HELZ: variants seen among roughly 807,000 people sequenced by gnomAD.
HELZ encodes ATP-dependent RNA helicase with zinc finger domain.
A neutral mutation model predicts 218.2 loss-of-function variants in HELZ; 23 were observed. The observed-to-expected ratio is 0.11, with a 90% CI of 0.08 to 0.15. The LOEUF (loss-of-function observed/expected upper bound fraction) is 0.15, where lower values mean the gene tolerates loss of function less well. HELZ is among the 10% of genes least tolerant of loss of function. HELZ has a pLI of 1.00. For missense variants in HELZ, 1,813 were observed against 2,353.7 expected (o/e 0.77, Z 4.75); for synonymous variants, 814 against 829.4 (o/e 0.98, Z 0.32).
In HELZ at chr17:67,107,720, A is replaced by G. The variant is rs2037151721; in HGVS notation, c.4725-35T>C. The G allele has an allele frequency of 1.9e-6, 3 of 1,566,842 alleles. No individual in the cohort carries two copies. The East Asian group carries it at 6.7e-5, about 35-fold the overall frequency. On this transcript the variant is annotated intron_variant, in intron 30 of 32. Coordinates refer to ENST00000358691, the MANE Select transcript of HELZ (RefSeq NM_014877.4). ...AACAATAAAATATGAGGAGAAAACA[A>G]AAGGCTCCATCACATTAAGGAAAGC...
chr17:67,166,971 A>G (rs2039164462), intron 14 of HELZ, among the ~76,000 whole-genome samples: 2 of 152,216 alleles, frequency 1.3e-5, no homozygotes, highest in African/African-American at 2.4e-5. Context: ...AGATCAGAAC[A>G]TGTGAAGTAT....
chr17:67,117,393 G>A (rs1271811999), intron 27 of HELZ, among the ~76,000 whole-genome samples: 1 of 152,000 alleles, frequency 6.6e-6, no homozygotes, highest in African/African-American at 2.4e-5. Context: ...CTAATTTCAA[G>A]AGAAATTAGG....
At chr17:67,100,875 C>T (rs1038171511) in intron 31 of HELZ, among the ~76,000 whole-genome samples, 6 of 151,556 alleles carry the variant, frequency 4.0e-5, no homozygotes, top group East Asian at 3.9e-4. Context: ...CTGAGGCAGG[C>T]GGATCACGAG....
intron 13 of HELZ, chr17:67,176,787 A>G (rs2039470942): frequency 6.6e-6 from 1 of 152,218 alleles, no homozygotes; most frequent in Non-Finnish European, 1.5e-5. Flanking sequence ...GGCTGCAGTG[A>G]GCCAAAACCA....
rs1195593652 is a variant in HELZ at position 67,212,966 on chromosome 17, G to A, written c.247+2933C>T. On this transcript the variant is annotated intron_variant, in intron 5 of 32. Coordinates refer to ENST00000358691, the MANE Select transcript of HELZ (RefSeq NM_014877.4). Reference sequence around the variant, plus strand: ...TCATGACAACTTTATCTTAGGCATCGGTTAAACTTATATTTTAGTGATTCA... The same window carrying A: ...TCATGACAACTTTATCTTAGGCATCAGTTAAACTTATATTTTAGTGATTCA... 3.9e-5 allele frequency among the ~76,000 whole-genome samples: 6 copies of A among 152,088 alleles called. No homozygotes were observed. The East Asian group carries it at 9.6e-4, about 24-fold the overall frequency.
chr17:67,090,147 G>GT (rs1478766728), intron 31 of HELZ, among the ~76,000 whole-genome samples: 1 of 152,024 alleles, frequency 6.6e-6, no homozygotes, highest in African/African-American at 2.4e-5. Context: ...AATGCATGTG[G>GT]TTTCTATGTC....
chr17:67,228,477 C>T (rs1396294548), intron 3 of HELZ, among the ~76,000 whole-genome samples: 1 of 151,900 alleles, frequency 6.6e-6, no homozygotes, highest in East Asian at 1.9e-4. Context: ...GCCAGGGCAA[C>T]ATGGCGAAAC....
rs183168549 is a variant in HELZ, at chr17:67,239,041, A to G, written c.-19+392T>C. Among the ~76,000 whole-genome samples the G allele has an allele frequency of 8.6e-4, 131 of 152,364 alleles. 1 individual carries two copies. Among genetic ancestry groups the G allele is most frequent in the African/African-American group, 3.1e-3 (129 of 41,598 alleles). On this transcript the variant is annotated intron_variant, in intron 3 of 32. Transcript: ENST00000358691. ...ATTCATGACACTATGTAAATAGCAG[A>G]TAACAGGAAAAACAATTCAATACTT...
At chr17:67,096,262 C>T (rs1462153642) in intron 31 of HELZ, among the ~76,000 whole-genome samples, 1 of 151,882 alleles carries the variant, frequency 6.6e-6, no homozygotes, top group Non-Finnish European at 1.5e-5. Flanking sequence ...AGAGCACAGG[C>T]AGCATGGATT....
At chr17:67,103,575 T>C (rs2036993664) in intron 31 of HELZ, among the ~76,000 whole-genome samples, 1 of 152,204 alleles carries the variant, frequency 6.6e-6, no homozygotes, top group Admixed American at 6.5e-5. Context: ...TACAAAATAC[T>C]GTTGAAAGAA....
rs949238584 is a variant in HELZ, at chr17:67,072,978, G to C, written c.*5274C>G. 6.6e-6 allele frequency: 1 copy of C among 152,194 alleles called. No individual in the cohort carries two copies. The highest frequency in any genetic ancestry group is 1.5e-5 in the Non-Finnish European group (1 of 68,042). The allele number at this position is 152,194 out of a possible 1,614,324, so 9.4% of individuals were successfully genotyped here. ...ATCAGAAATGCTGGGGGTGGGTCCA[G>C]CTATCTGAATTTTAACAAGACCTCG... On this transcript the variant is annotated 3_prime_UTR_variant, in exon 33 of 33. Coordinates refer to ENST00000358691, the MANE Select transcript of HELZ (RefSeq NM_014877.4).
intron 15 of HELZ, 85 bp downstream of exon 15, chr17:67,166,393 A>G: frequency 8.3e-7 from 1 of 1,202,544 alleles, no homozygotes; most frequent in Non-Finnish European, 1.2e-6. Flanking sequence ...AAACTTTCTT[A>G]TAAAAGTATG....
At chr17:67,115,312 C>A (rs2037396384) in intron 27 of HELZ, among the ~76,000 whole-genome samples, 1 of 151,856 alleles carries the variant, frequency 6.6e-6, no homozygotes, top group African/African-American at 2.4e-5. Context: ...ATAAACTGTG[C>A]AAAAACTTTA....
At chr17:67,242,847 A>G (rs1442104773) in intron 2 of HELZ, among the ~76,000 whole-genome samples, 1 of 152,076 alleles carries the variant, frequency 6.6e-6, no homozygotes, top group Non-Finnish European at 1.5e-5. Context: ...CTAGAAAAAA[A>G]AAAAAGGATA....
At chr17:67,171,170 C>T (rs563680479) in intron 13 of HELZ, among the ~76,000 whole-genome samples, 2 of 152,166 alleles carry the variant, frequency 1.3e-5, no homozygotes, top group South Asian at 4.1e-4. Flanking sequence ...CATCTAAGCA[C>T]CAACTATTTT....
intron 31 of HELZ, among the ~76,000 whole-genome samples, chr17:67,106,049 A>T (rs1415580607): frequency 6.6e-6 from 1 of 152,234 alleles, no homozygotes; most frequent in Non-Finnish European, 1.5e-5. Flanking sequence ...TGAAGCTAAT[A>T]TCAAAAAAGT....
chr17:67,226,257 CA>C (rs562828369), intron 3 of HELZ, among the ~76,000 whole-genome samples: 9,953 of 64,610 alleles, frequency 0.15, 708 homozygotes, highest in African/African-American at 0.36. Flanking sequence ...GACTCCATCT[CA>C]AAAAAAAAAA....
chr17:67,211,056 G>C (rs1265562525), intron 5 of HELZ, among the ~76,000 whole-genome samples: 1 of 152,166 alleles, frequency 6.6e-6, no homozygotes, highest in Non-Finnish European at 1.5e-5. Flanking sequence ...CTTATCCATT[G>C]GTCGCTGGCT....
chr17:67,093,449 A>G (rs1436207399), intron 31 of HELZ, among the ~76,000 whole-genome samples: 1 of 152,204 alleles, frequency 6.6e-6, no homozygotes, highest in Admixed American at 6.5e-5. Context: ...AAAAAGATTA[A>G]TAATAATAGA....
Sources: allele counts gnomAD v4.1 joint callset (sites outside exome capture counted in the v4.1 genomes callset), GRCh38; gene constraint gnomAD v4.1.1; transcripts MANE v1.5; gene names NCBI Gene and HGNC (gene_info 2026-07-23, HGNC 2026-07-21).